Variants in TSC22D1 observed in about 807,000 individuals in gnomAD.
TSC22D1 encodes the protein TSC22 domain family member 1.
In TSC22D1, 9 loss-of-function variants were observed where a neutral mutation model predicts 74.2. The observed-to-expected ratio is 0.12, with a 90% CI of 0.07 to 0.21. The LOEUF is 0.21. TSC22D1 is among the 10% of genes least tolerant of loss of function. The pLI is 1.00. For missense variants in TSC22D1, 1,427 were observed against 1,304.7 expected (o/e 1.09, Z -1.44); for synonymous variants, 586 against 492.5 (o/e 1.19, Z -2.51).
chr13:44,459,816 C>T (rs1197494165), intron 1 of TSC22D1, among the ~76,000 whole-genome samples: 1 of 152,310 alleles, frequency 6.6e-6, no homozygotes, highest in East Asian at 1.9e-4. Flanking sequence ...CTGCCTACCC[C>T]GCTGCAGCCA....
At chr13:44,475,308 T>C (rs548289860) in intron 1 of TSC22D1, among the ~76,000 whole-genome samples, 3 of 152,242 alleles carry the variant, frequency 2.0e-5, no homozygotes, top group African/African-American at 7.2e-5. Context: ...ATGACAAATG[T>C]AGCATATATT....
chr13:44,503,197 A>G (rs896130828), intron 1 of TSC22D1, among the ~76,000 whole-genome samples: 1 of 152,236 alleles, frequency 6.6e-6, no homozygotes, highest in Non-Finnish European at 1.5e-5. Flanking sequence ...GATTTACATA[A>G]CATAAACATA....
In TSC22D1 at chr13:44,576,149, C is replaced by A; in HGVS notation, c.-75G>T. 1.4e-6 allele frequency: 2 copies of A among 1,394,032 alleles called. No individual in the cohort carries two copies. The highest frequency in any genetic ancestry group is 9.3e-7 in the Non-Finnish European group (1 of 1,076,432). The allele number at this position is 1,394,032 out of a possible 1,614,324, so 86.4% of individuals were successfully genotyped here. On this transcript the variant is annotated 5_prime_UTR_variant, in exon 1 of 3. Transcript: ENST00000458659. ...ACCGTAATCTTTGTATTGGAGACGC[C>A]GGAGAGGAAAACGGGACCTGACGCT...
At chr13:44,550,064 A>C (rs1376957495) in intron 1 of TSC22D1, among the ~76,000 whole-genome samples, 1 of 152,228 alleles carries the variant, frequency 6.6e-6, no homozygotes, top group Non-Finnish European at 1.5e-5. Context: ...TCTGGAAAGT[A>C]AAATGTTGCC....
intron 1 of TSC22D1, among the ~76,000 whole-genome samples, chr13:44,503,896 A>G (rs995114543): frequency 1.3e-5 from 2 of 152,042 alleles, no homozygotes; most frequent in Non-Finnish European, 2.9e-5. Flanking sequence ...ATATTAAAAA[A>G]TATTTTAAAT....
chr13:44,547,387 G>A (rs1881895080), intron 1 of TSC22D1, among the ~76,000 whole-genome samples: 1 of 152,058 alleles, frequency 6.6e-6, no homozygotes. Context: ...GATAATATGT[G>A]AGAGATCAAA....
chr13:44,435,566 G>C (rs565823187), intron 2 of TSC22D1, among the ~76,000 whole-genome samples: 157 of 152,290 alleles, frequency 1.0e-3, no homozygotes, highest in Admixed American at 2.2e-3. Context: ...CTTTTTCTCT[G>C]ATTCTTCTTC....
intron 1 of TSC22D1, among the ~76,000 whole-genome samples, chr13:44,523,759 T>C (rs1480370944): frequency 2.0e-5 from 3 of 152,094 alleles, no homozygotes; most frequent in South Asian, 4.1e-4. Flanking sequence ...ATTGTAACAA[T>C]ATAAGTAGAC....
At position 44,434,614 on chromosome 13, in the gene TSC22D1, G is replaced by A. The variant is rs773859595; in HGVS notation, c.*12C>T. ...TCACACGCAGCAGCCAGTTCTGCGG[G>A]GGCATAGGCAGCTATGCGGTTGGTC... On this transcript the variant is annotated 3_prime_UTR_variant, in exon 3 of 3. Transcript: ENST00000458659. 2.6e-6 allele frequency: 4 copies of A among 1,514,258 alleles called. No homozygotes were observed. The highest frequency in any genetic ancestry group is 1.4e-5 in the African/African-American group (1 of 71,520). The allele number at this position is 1,514,258 out of a possible 1,614,324, so 93.8% of individuals were successfully genotyped here.
At position 44,575,577 on chromosome 13, in the gene TSC22D1, C is replaced by T. The variant is rs1006614730; in HGVS notation, c.498G>A (p.Gly166=). 6.2e-7 allele frequency: 1 copy of T among 1,614,000 alleles called. No individual in the cohort carries two copies. Among genetic ancestry groups the T allele is most frequent in the East Asian group, 2.2e-5 (1 of 44,874 alleles). The change falls in exon 1 of 3, where the codon GGG becomes GGA. Residue 166 remains glycine, a synonymous_variant. Coordinates refer to ENST00000458659, the MANE Select transcript of TSC22D1 (RefSeq NM_183422.4). The stretch of plus-strand genomic sequence containing the variant: ...CTTCTGAGGAGCTGCGTTCGGGCTC[C>T]CCTAAGTCAGTAGCCCTGGAAAGTG... ...DVSLSRATDL[G]EPERSSSEET...
intron 1 of TSC22D1, among the ~76,000 whole-genome samples, chr13:44,494,522 C>T (rs111581198): frequency 0.019 from 2,906 of 149,924 alleles, 111 homozygotes; most frequent in African/African-American, 0.068. Flanking sequence ...TGTGCCACTG[C>T]ATTTCGGCCT....
chr13:44,500,111 A>G (rs1032289296), intron 1 of TSC22D1, among the ~76,000 whole-genome samples: 11 of 151,296 alleles, frequency 7.3e-5, no homozygotes, highest in African/African-American at 2.7e-4. Flanking sequence ...AAAAAAAAAA[A>G]GAAAAGAAAA....
At chr13:44,448,733 G>A (rs930303476) in intron 1 of TSC22D1, among the ~76,000 whole-genome samples, 1 of 152,176 alleles carries the variant, frequency 6.6e-6, no homozygotes, top group Non-Finnish European at 1.5e-5. Flanking sequence ...GGACCTTGGA[G>A]ATCATTTAAT....
At chr13:44,534,242 A>C (rs575441692) in intron 1 of TSC22D1, among the ~76,000 whole-genome samples, 265 of 151,664 alleles carry the variant, frequency 1.7e-3, no homozygotes, top group Non-Finnish European at 3.1e-3. Context: ...AAAAAAAAAA[A>C]AAAAAGCAGA....
At chr13:44,567,110 G>A (rs1236908776) in intron 1 of TSC22D1, among the ~76,000 whole-genome samples, 1 of 152,188 alleles carries the variant, frequency 6.6e-6, no homozygotes, top group African/African-American at 2.4e-5. Context: ...AGAACATACT[G>A]AAAACAGGGT....
At chr13:44,559,690 TTTC>T (rs1387184339) in intron 1 of TSC22D1, among the ~76,000 whole-genome samples, 1 of 128,632 alleles carries the variant, frequency 7.8e-6, no homozygotes, top group Non-Finnish European at 1.8e-5. Context: ...AGCCCAAAAA[TTTC>T]TTTTTTTTTT....
intron 1 of TSC22D1, among the ~76,000 whole-genome samples, chr13:44,456,127 G>A (rs1045022164): frequency 2.6e-5 from 4 of 152,126 alleles, no homozygotes; most frequent in Admixed American, 2.0e-4. Flanking sequence ...ATAAAGCCGT[G>A]GACCCTCGCA....
At chr13:44,509,951 A>AAAAAAAAAAAAAAAAAAAAAAAC (rs1879626583) in intron 1 of TSC22D1, among the ~76,000 whole-genome samples, 2 of 37,738 alleles carry the variant, frequency 5.3e-5, no homozygotes, top group Non-Finnish European at 4.8e-5. Flanking sequence ...GAAAATAAGC[A>AAAAAAAAAAAAAAAAAAAAAAAC]AAAAAAAAAA....
intron 1 of TSC22D1, among the ~76,000 whole-genome samples, chr13:44,442,646 G>C (rs999093205): frequency 3.3e-5 from 5 of 152,096 alleles, no homozygotes; most frequent in African/African-American, 4.8e-5. Context: ...GCCAGGTGTG[G>C]TGGCTCATGC....
Sources: gnomAD v4.1 joint callset for allele counts (sites outside exome capture counted in the v4.1 genomes callset) on GRCh38, gnomAD v4.1.1 for gene constraint, MANE v1.5 for transcripts, NCBI Gene and HGNC (gene_info 2026-07-23, HGNC 2026-07-21) for gene names.